The following RASSF6 variants were observed in gnomAD, a reference collection of about 807,000 sequenced individuals.
The protein encoded by RASSF6 is Ras association domain family member 6.
RASSF6 carries 52 observed loss-of-function variants against 44.0 expected under a neutral mutation model. The observed-to-expected ratio is 1.18, with a 90% CI of 0.95 to 1.49. RASSF6 has a LOEUF of 1.49. RASSF6 is among the 40% of genes most tolerant of loss of function. The probability of loss-of-function intolerance (pLI) is 0.00; values close to 1 mark genes in which losing one functional copy is unlikely to be tolerated. For missense variants in RASSF6, 464 were observed against 393.3 expected (o/e 1.18, Z -1.52); for synonymous variants, 162 against 124.6 (o/e 1.30, Z -2.00).
rs59463389 is a variant in RASSF6 at position 73,615,178 on chromosome 4, CA to C, written c.-34-3350del. ...TGGGTGATAGAGTGTGACTCTGTCT[CA>C]AAAAAAAAAAAAAAAAAAGAGCAAA... On this transcript the variant is annotated intron_variant, in intron 1 of 10. Transcript: ENST00000307439. 3.8e-3 allele frequency among the ~76,000 whole-genome samples: 295 copies of C among 76,996 alleles called. 1 individual carries two copies. Among genetic ancestry groups the C allele is most frequent in the African/African-American group, 0.011 (227 of 20,620 alleles). The allele number at this position is 76,996 out of a possible 152,430, so 50.5% of individuals were successfully genotyped here.
At chr4:73,583,532 A>AT (rs537212631) in intron 6 of RASSF6, among the ~76,000 whole-genome samples, 122 of 152,278 alleles carry the variant, frequency 8.0e-4, no homozygotes, top group Admixed American at 3.2e-3. Flanking sequence ...GCTTCATAGT[A>AT]TAAAAACATA....
chr4:73,599,965 C>A (rs936840177), intron 2 of RASSF6, among the ~76,000 whole-genome samples: 3 of 152,102 alleles, frequency 2.0e-5, no homozygotes, highest in Non-Finnish European at 4.4e-5. Flanking sequence ...CATCTTGGGG[C>A]CTTTGCACTT....
At chr4:73,587,260 G>T (rs1724169458) in intron 5 of RASSF6, among the ~76,000 whole-genome samples, 1 of 152,010 alleles carries the variant, frequency 6.6e-6, no homozygotes, top group Admixed American at 6.6e-5. Context: ...CCTGGAGCTG[G>T]CATTTCCCAT....
In RASSF6 at chr4:73,573,667, G is replaced by T. The variant is rs138273592; in HGVS notation, c.*2568C>A. On this transcript the variant is annotated 3_prime_UTR_variant, in exon 11 of 11. Coordinates refer to ENST00000307439, the MANE Select transcript of RASSF6 (RefSeq NM_177532.5). ...GAAGTTTGAGTCCCCATCTCATGGT[G>T]ATTTATTGAGTATTTAATGTTATCA... is the stretch of plus-strand genomic sequence containing the variant. 1.3e-5 allele frequency: 2 copies of T among 152,148 alleles called. No homozygotes were observed. Among genetic ancestry groups the T allele is most frequent in the African/African-American group, 4.8e-5 (2 of 41,412 alleles). The allele number at this position is 152,148 out of a possible 1,614,324, so 9.4% of individuals were successfully genotyped here.
intron 1 of RASSF6, among the ~76,000 whole-genome samples, chr4:73,616,227 ATC>A (rs200004026): frequency 2.2e-5 from 3 of 138,684 alleles, no homozygotes; most frequent in Admixed American, 7.1e-5. Flanking sequence ...ATCTATATCT[ATC>A]TATCTATCTA....
chr4:73,618,384 A>C (rs1726504823), intron 1 of RASSF6, among the ~76,000 whole-genome samples: 1 of 151,984 alleles, frequency 6.6e-6, no homozygotes, highest in Admixed American at 6.6e-5. Context: ...ATCTCAAATC[A>C]ATTTCAAATA....
intron 1 of RASSF6, among the ~76,000 whole-genome samples, chr4:73,619,929 A>G (rs1726593186): frequency 6.6e-6 from 1 of 152,038 alleles, no homozygotes; most frequent in African/African-American, 2.4e-5. Flanking sequence ...AGGAAGGAGT[A>G]TGCCATCCAG....
chr4:73,606,643 T>G (rs1236232846), intron 2 of RASSF6, among the ~76,000 whole-genome samples: 1 of 39,402 alleles, frequency 2.5e-5, no homozygotes, highest in African/African-American at 7.2e-5. Flanking sequence ...CTTATAGTTT[T>G]TTTTTTTTTT....
At chr4:73,586,229 T>C (rs1724078075) in intron 5 of RASSF6, among the ~76,000 whole-genome samples, 1 of 151,976 alleles carries the variant, frequency 6.6e-6, no homozygotes, top group Non-Finnish European at 1.5e-5. Context: ...AGATGTATGA[T>C]ATGAATGACT....
intron 4 of RASSF6, among the ~76,000 whole-genome samples, chr4:73,588,140 T>C (rs10011536): frequency 0.58 from 88,046 of 151,888 alleles, 26,256 homozygotes; most frequent in East Asian, 0.68. Context: ...CCTGTACTTT[T>C]ATAGAGCATA....
intron 1 of RASSF6, among the ~76,000 whole-genome samples, chr4:73,613,482 C>T (rs907278933): frequency 1.6e-4 from 25 of 152,108 alleles, no homozygotes; most frequent in African/African-American, 6.0e-4. Context: ...TAATAACCCA[C>T]CAAAAGGGTT....
chr4:73,582,342 A>G (rs940437043), intron 6 of RASSF6, 52 bp from the exon 7 acceptor site: 2 of 876,290 alleles, frequency 2.3e-6, no homozygotes, highest in South Asian at 2.0e-5. Flanking sequence ...TATTAAGGGT[A>G]TTCAATATCT....
chr4:73,603,032 G>C (rs1725386535), intron 2 of RASSF6, among the ~76,000 whole-genome samples: 1 of 152,138 alleles, frequency 6.6e-6, no homozygotes, highest in Admixed American at 6.5e-5. Context: ...AGCTTGCAGT[G>C]AGCCCAGATT....
chr4:73,586,965 A>G (rs921926558), intron 5 of RASSF6, among the ~76,000 whole-genome samples: 1 of 151,756 alleles, frequency 6.6e-6, no homozygotes, highest in Non-Finnish European at 1.5e-5. Context: ...TTATGAAGTT[A>G]ATGCTAGTGG....
chr4:73,610,010 C>A (rs981761926), intron 2 of RASSF6, among the ~76,000 whole-genome samples: 1 of 152,122 alleles, frequency 6.6e-6, no homozygotes, highest in African/African-American at 2.4e-5. Context: ...GCAGGTGGTC[C>A]ATGGACCTCA....
In RASSF6 at chr4:73,597,323, C is replaced by A. The variant is rs558185099; in HGVS notation, c.144+1317G>T. On this transcript the variant is annotated intron_variant, in intron 3 of 10. Transcript: ENST00000307439. ...TTAAAAAGTGGGCAAAGGACATGAG[C>A]AAACACTTCTTAAAATAAGACATAC... 2.4e-4 allele frequency among the ~76,000 whole-genome samples: 37 copies of A among 152,190 alleles called. No homozygotes were observed. In the East Asian group the frequency reaches 6.0e-3, roughly 25 times the overall value.
Position 73,620,384 on chromosome 4 carries a change from T to G in RASSF6, c.-131A>C, listed in dbSNP as rs541821037. 2 of 1,530,072 alleles carry G rather than the reference T, an allele frequency of 1.3e-6. No individual in the cohort carries two copies. Among genetic ancestry groups the G allele is most frequent in the Non-Finnish European group, 1.8e-6 (2 of 1,139,250 alleles). 94.8% of individuals were successfully genotyped at this position (1,530,072 alleles called of 1,614,324 possible). ...TTCTCGGCTGGGTCAGGAACTCTGG[T>G]AGAGGGAAACCAGTGCCCTGTCTCT... On this transcript the variant is annotated 5_prime_UTR_variant, in exon 1 of 11. Transcript: ENST00000307439.
chr4:73,599,386 G>A (rs1032701175), intron 2 of RASSF6, among the ~76,000 whole-genome samples: 22 of 152,208 alleles, frequency 1.4e-4, no homozygotes, highest in African/African-American at 5.1e-4. Context: ...GGCCAGGAAA[G>A]TTTGTAGGGG....
At chr4:73,607,514 T>C (rs1725722680) in intron 2 of RASSF6, among the ~76,000 whole-genome samples, 2 of 152,320 alleles carry the variant, frequency 1.3e-5, no homozygotes, top group Middle Eastern at 3.4e-3. Flanking sequence ...GGAACTCTTG[T>C]TTAAACTAGG....
Sources: allele counts gnomAD v4.1 joint callset (sites outside exome capture counted in the v4.1 genomes callset), GRCh38; gene constraint gnomAD v4.1.1; transcripts MANE v1.5; gene names NCBI Gene and HGNC (gene_info 2026-07-23, HGNC 2026-07-21).